The following FAM25C variants were observed in gnomAD, a reference collection of about 807,000 sequenced individuals.
FAM25C encodes the protein family with sequence similarity 25 member C.
FAM25C carries 4 observed loss-of-function variants against 9.6 expected under a neutral mutation model. The ratio of observed to expected loss-of-function variants is 0.42; its 90% CI spans 0.20 to 0.95. The LOEUF is 0.95. Ranked by LOEUF, FAM25C falls within the 40% of genes least tolerant of loss-of-function variation. FAM25C has a pLI of 0.31. For synonymous variants in FAM25C, 23 were observed against 44.1 expected (o/e 0.52, Z 1.89); for missense variants, 38 against 110.4 (o/e 0.34, Z 2.94).
chr10:47,995,812 T>C (rs4240516), intron 2 of FAM25C, among the ~76,000 whole-genome samples: 92 of 151,154 alleles, frequency 6.1e-4, no homozygotes, highest in South Asian at 1.9e-3. Context: ...GGTTGTTATA[T>C]TGGATTATCA....
chr10:47,997,473 C>G (rs1345835975), intron 2 of FAM25C, among the ~76,000 whole-genome samples: 1 of 151,746 alleles, frequency 6.6e-6, no homozygotes, highest in Non-Finnish European at 1.5e-5. Context: ...TCTTATTCCA[C>G]AGAGAGAACC....
At chr10:47,998,270 C>T (rs1443420844) in intron 1 of FAM25C, among the ~76,000 whole-genome samples, 1 of 150,290 alleles carries the variant, frequency 6.7e-6, no homozygotes, top group Non-Finnish European at 1.5e-5. Flanking sequence ...ATTCCTCCAA[C>T]AAAACGGAAT....
intron 2 of FAM25C, 112 bp downstream of exon 2, chr10:47,997,565 G>A (rs1169035000): frequency 1.0e-5 from 8 of 778,728 alleles, no homozygotes; most frequent in African/African-American, 8.5e-5. Context: ...GCTCTGAAAG[G>A]CTGCAACATT....
At position 47,998,183 on chromosome 10, in the gene FAM25C, C is replaced by T. The variant is rs1377855169; in HGVS notation, c.74-444G>A. On this transcript the variant is annotated intron_variant, in intron 1 of 2. Transcript: ENST00000617224. ...GCTGGGCCTGTGTGCCAGGTCACAC[C>T]CCTCTCAGGATGTGCTAGCGCCTGC... 2.7e-4 allele frequency among the ~76,000 whole-genome samples: 41 copies of T among 151,282 alleles called. 1 individual carries two copies. The highest frequency in any genetic ancestry group is 9.9e-4 in the African/African-American group (41 of 41,220).
rs1301460870 is a variant in FAM25C at position 47,998,046 on chromosome 10, G to A, written c.74-307C>T. On this transcript the variant is annotated intron_variant, in intron 1 of 2. Coordinates refer to ENST00000617224, the MANE Select transcript of FAM25C (RefSeq NM_001137548.3). The stretch of plus-strand genomic sequence containing the variant: ...GAGACGCCAGGGCCTTGGCTACCGG[G>A]AGACGAGCTCAGTGAGCCCCATGAG... 2.0e-5 allele frequency among the ~76,000 whole-genome samples: 3 copies of A among 151,258 alleles called. No individual in the cohort carries two copies. In the South Asian group the frequency reaches 6.3e-4, roughly 32 times the overall value.
chr10:47,995,700 T>G (rs1430124520), intron 2 of FAM25C, among the ~76,000 whole-genome samples, 189 bp from the exon 3 acceptor site: 1 of 148,558 alleles, frequency 6.7e-6, no homozygotes, highest in Non-Finnish European at 1.5e-5. Flanking sequence ...CTTGCATTTC[T>G]TCAACTGTGA....
intron 2 of FAM25C, among the ~76,000 whole-genome samples, chr10:47,995,985 C>T: frequency 7.7e-6 from 1 of 130,568 alleles, no homozygotes; most frequent in East Asian, 2.1e-4. Context: ...AAGATTCTCC[C>T]CTCTCCAAGA....
In FAM25C at chr10:47,996,023, T is replaced by A. The variant is rs1555256428; in HGVS notation, c.137-512A>T. ...AGGCCAAAGTCTCTGAAGTTATTAC[T>A]ATGTCTAAATGTTTATGATGTCTTC... On this transcript the variant is annotated intron_variant, in intron 2 of 2. Coordinates refer to ENST00000617224, the MANE Select transcript of FAM25C (RefSeq NM_001137548.3). Among the ~76,000 whole-genome samples, 10 of 150,266 alleles carry A rather than the reference T, an allele frequency of 6.7e-5. 1 individual carries two copies.
intron 2 of FAM25C, among the ~76,000 whole-genome samples, chr10:47,996,948 C>T (rs1842809153): frequency 7.3e-6 from 1 of 137,116 alleles, no homozygotes; most frequent in Admixed American, 7.4e-5. Flanking sequence ...TCTCCTGCCT[C>T]AGCCTCCCGA....
intron 2 of FAM25C, among the ~76,000 whole-genome samples, 184 bp downstream of exon 2, chr10:47,997,493 G>C (rs533810863): frequency 1.3e-4 from 20 of 151,830 alleles, no homozygotes; most frequent in Admixed American, 7.9e-4. Context: ...CATCTAGACA[G>C]TGTCCTAACG....
chr10:47,995,556 G>A (rs1555256383), intron 2 of FAM25C, 45 bp from the exon 3 acceptor site: 1 of 1,534,166 alleles, frequency 6.5e-7, no homozygotes, highest in South Asian at 1.2e-5. Flanking sequence ...TCCACCTGCT[G>A]AACTTGTGTC....
intron 1 of FAM25C, among the ~76,000 whole-genome samples, chr10:47,998,026 G>A (rs1243159266): frequency 6.6e-6 from 1 of 150,946 alleles, no homozygotes; most frequent in Admixed American, 6.6e-5. Flanking sequence ...ATTTGGAGAC[G>A]CCAGGGCCTT....
At chr10:47,998,276 G>A (rs1185416911) in intron 1 of FAM25C, among the ~76,000 whole-genome samples, 6 of 149,844 alleles carry the variant, frequency 4.0e-5, no homozygotes, top group African/African-American at 9.9e-5. Flanking sequence ...CCAACAAAAC[G>A]GAATTCTCTG....
chr10:47,997,077 C>T (rs1555256585), intron 2 of FAM25C, among the ~76,000 whole-genome samples: 1 of 149,258 alleles, frequency 6.7e-6, no homozygotes, highest in Non-Finnish European at 1.5e-5. Flanking sequence ...CCTCAGCCTC[C>T]CAAAGTGCTG....
In FAM25C at chr10:47,995,529, G is replaced by A; in HGVS notation, c.137-18C>T. 3.3e-6 allele frequency: 5 copies of A among 1,534,592 alleles called. 1 individual carries two copies. Among genetic ancestry groups the A allele is most frequent in the African/African-American group, 1.4e-5 (1 of 73,024 alleles). On this transcript the variant is annotated intron_variant, in intron 2 of 2. Transcript: ENST00000617224. ...AGCAATGGCTGTTGGAAAGAAAGAG[G>A]AAGAATGTCCTAGTGATCCACCTGC...
chr10:47,997,549 C>A (rs1338776959), intron 2 of FAM25C, 128 bp downstream of exon 2: 1 of 774,572 alleles, frequency 1.3e-6, no homozygotes, highest in South Asian at 1.5e-5. Flanking sequence ...CTGCCCCAGC[C>A]AAGAGGCTCT....
chr10:47,998,031 G>A (rs1315129241), intron 1 of FAM25C, among the ~76,000 whole-genome samples: 4 of 150,944 alleles, frequency 2.6e-5, no homozygotes, highest in Non-Finnish European at 5.9e-5. Flanking sequence ...GAGACGCCAG[G>A]GCCTTGGCTA....
In FAM25C at chr10:47,998,257, G is replaced by A. The variant is rs555011686; in HGVS notation, c.74-518C>T. ...ATCCACTAAGACCAGGTCTCTCAAA[G>A]CAATTCCTCCAACAAAACGGAATTC... On this transcript the variant is annotated intron_variant, in intron 1 of 2. Transcript: ENST00000617224. Among the ~76,000 whole-genome samples, 209 of 150,718 alleles carry A rather than the reference G, an allele frequency of 1.4e-3. 3 individuals are homozygous for A. The highest frequency in any genetic ancestry group is 2.6e-3 in the Admixed American group (40 of 15,150).
intron 2 of FAM25C, among the ~76,000 whole-genome samples, chr10:47,997,269 C>T (rs1264315951): frequency 3.5e-4 from 52 of 148,752 alleles, no homozygotes; most frequent in African/African-American, 1.1e-3. Flanking sequence ...CCACCATGCC[C>T]GGCTAATTTT....
Sources: gnomAD v4.1 joint callset for allele counts (sites outside exome capture counted in the v4.1 genomes callset) on GRCh38, gnomAD v4.1.1 for gene constraint, MANE v1.5 for transcripts, NCBI Gene and HGNC (gene_info 2026-07-23, HGNC 2026-07-21) for gene names.